TPP2: variants seen among roughly 807,000 people sequenced by gnomAD.
The protein encoded by TPP2 is tripeptidyl-peptidase 2.
A neutral mutation model predicts 155.9 loss-of-function variants in TPP2; 34 were observed. That is an observed-to-expected ratio of 0.22 (90% confidence interval 0.17 to 0.29). TPP2 has a LOEUF of 0.29. Ranked by LOEUF, TPP2 falls within the 10% of genes least tolerant of loss-of-function variation. The probability of loss-of-function intolerance (pLI) is 1.00; values close to 1 mark genes in which losing one functional copy is unlikely to be tolerated. For synonymous variants in TPP2, 510 were observed against 529.4 expected (o/e 0.96, Z 0.50); for missense variants, 1,028 against 1,522.3 (o/e 0.68, Z 5.40).
intron 2 of TPP2, among the ~76,000 whole-genome samples, chr13:102,611,699 C>T (rs1346130403): frequency 6.6e-6 from 1 of 152,134 alleles, no homozygotes; most frequent in East Asian, 1.9e-4. Flanking sequence ...CAGTGTATAA[C>T]AAATGTTTTC....
intron 2 of TPP2, among the ~76,000 whole-genome samples, chr13:102,606,972 A>G (rs1879881294): frequency 6.6e-6 from 1 of 152,158 alleles, no homozygotes; most frequent in South Asian, 2.1e-4. Flanking sequence ...GGTTATGAGT[A>G]TGTGTCCCCT....
At chr13:102,667,959 C>T (rs1021788165) in intron 27 of TPP2, 9 of 250,846 alleles carry the variant, frequency 3.6e-5, no homozygotes, top group Admixed American at 1.9e-4. Context: ...CCTGAGCCAG[C>T]GACGCTCACA....
intron 15 of TPP2, among the ~76,000 whole-genome samples, chr13:102,640,060 G>A (rs1882650277): frequency 6.6e-6 from 1 of 152,140 alleles, no homozygotes; most frequent in South Asian, 2.1e-4. Context: ...TAGGCAAAAA[G>A]TAGAATCATC....
At position 102,629,627 on chromosome 13, in the gene TPP2, G is replaced by T. The variant is rs1048583455; in HGVS notation, c.1144+18G>T. 1 of 1,548,368 alleles carries T rather than the reference G, an allele frequency of 6.5e-7. No homozygotes were observed. Among genetic ancestry groups the T allele is most frequent in the Non-Finnish European group, 8.6e-7 (1 of 1,159,010 alleles). On this transcript the variant is annotated intron_variant, in intron 9 of 29. Transcript: ENST00000376052. ...TGTGATAGGTTAGTTTCCTGTTTTA[G>T]AAATAGATTTGTTTAGAAACAAGCA...
intron 22 of TPP2, 34 bp from the exon 23 acceptor site, chr13:102,649,374 G>A: frequency 6.3e-7 from 1 of 1,580,898 alleles, no homozygotes; most frequent in Non-Finnish European, 8.6e-7. Context: ...TTTCTCTTTT[G>A]TTGCTTTTTT....
At chr13:102,652,384 CAAAA>C (rs1595192950) in intron 24 of TPP2, among the ~76,000 whole-genome samples, 1 of 117,746 alleles carries the variant, frequency 8.5e-6, no homozygotes, top group East Asian at 2.5e-4. Flanking sequence ...TGTCTCAAAA[CAAAA>C]CATACATACA....
chr13:102,654,809 G>T, intron 24 of TPP2: 1 of 383,322 alleles, frequency 2.6e-6, no homozygotes, highest in South Asian at 1.9e-5. Flanking sequence ...CTGTACAGAT[G>T]ACACTGATGC....
At chr13:102,609,707 T>A (rs946422284) in intron 2 of TPP2, among the ~76,000 whole-genome samples, 5 of 151,786 alleles carry the variant, frequency 3.3e-5, no homozygotes, top group African/African-American at 1.2e-4. Context: ...CCCATGCATT[T>A]TTAAACCATT....
At chr13:102,663,996 T>C (rs947615802) in intron 26 of TPP2, among the ~76,000 whole-genome samples, 1 of 152,224 alleles carries the variant, frequency 6.6e-6, no homozygotes, top group Admixed American at 6.5e-5. Flanking sequence ...ACGATTGTTT[T>C]CATGACCTTA....
Position 102,640,291 on chromosome 13 carries a change from T to G in TPP2, c.1935T>G (p.Tyr645Ter). 6.2e-7 allele frequency: 1 copy of G among 1,607,566 alleles called. No homozygotes were observed. Among genetic ancestry groups the G allele is most frequent in the Non-Finnish European group, 8.5e-7 (1 of 1,175,998 alleles). Residue 645 changes from tyrosine to a stop codon, truncating the protein, a stop_gained, in exon 16 of 30, where the codon TAT becomes TAG. Coordinates refer to ENST00000376052, the MANE Select transcript of TPP2 (RefSeq NM_001330588.2). LOFTEE classifies it high-confidence loss of function. ...IAAKVNESSH[Y>*]DLAFTDVHFK... ...TCAGAGTAAATGAATCATCACATTA[T>G]GATCTAGCCTTTACAGATGTACACT...
At chr13:102,628,638 A>G (rs1392197027) in intron 8 of TPP2, among the ~76,000 whole-genome samples, 1 of 151,822 alleles carries the variant, frequency 6.6e-6, no homozygotes, top group East Asian at 1.9e-4. Context: ...TTTTCTTCAT[A>G]GTAGTAGCTA....
At chr13:102,646,497 A>G (rs559184099) in intron 20 of TPP2, 107 bp downstream of exon 20, 7 of 703,394 alleles carry the variant, frequency 1.0e-5, no homozygotes, top group African/African-American at 7.4e-5. Context: ...TATATAAAAA[A>G]CAGAATCAAG....
In TPP2 at chr13:102,605,971, C is replaced by T. The variant is rs182137634; in HGVS notation, c.294+1050C>T. Reference sequence around the variant, plus strand: ...ACTCTTGACCTTGTGATCCGCCTGTCTCAGCCTCCCAAAGTGCTGGGATTA... The same window carrying T: ...ACTCTTGACCTTGTGATCCGCCTGTTTCAGCCTCCCAAAGTGCTGGGATTA... On this transcript the variant is annotated intron_variant, in intron 2 of 29. Transcript: ENST00000376052. Among the ~76,000 whole-genome samples the T allele has an allele frequency of 3.9e-5, 6 of 152,282 alleles. No individual in the cohort carries two copies. The East Asian group carries it at 1.2e-3, about 29-fold the overall frequency.
Position 102,610,640 on chromosome 13 carries a change from G to A in TPP2, c.295-3461G>A, listed in dbSNP as rs564574727. ...AGTTTAAGATCAACTGTTAAGTTAG[G>A]TGCTTTGAACACTTTAGTAGCCTCA... On this transcript the variant is annotated intron_variant, in intron 2 of 29. Transcript: ENST00000376052. 5.3e-5 allele frequency among the ~76,000 whole-genome samples: 8 copies of A among 152,204 alleles called. No individual in the cohort carries two copies. The South Asian group carries it at 1.0e-3, about 20-fold the overall frequency.
chr13:102,655,134 T>TGGAG (rs888116329), intron 24 of TPP2: 36 of 453,196 alleles, frequency 7.9e-5, no homozygotes, highest in Admixed American at 4.7e-5. Flanking sequence ...TGAGTCAGTG[T>TGGAG]GGAGATAGGA....
chr13:102,616,514 G>C lies in TPP2; in HGVS notation c.495+14G>C, dbSNP rs759299420. On this transcript the variant is annotated intron_variant, in intron 4 of 29. Transcript: ENST00000376052. ...GGCTCTTCTCAAGTTGGTGCTAGTCGATTTCATTTAAACATTACCCTAGAA... is the reference window on the plus strand; with the variant it reads ...GGCTCTTCTCAAGTTGGTGCTAGTCCATTTCATTTAAACATTACCCTAGAA... 7 of 1,597,962 alleles carry C rather than the reference G, an allele frequency of 4.4e-6. No homozygotes were observed. Among genetic ancestry groups the C allele is most frequent in the Non-Finnish European group, 6.0e-6 (7 of 1,169,974 alleles).
intron 10 of TPP2, chr13:102,631,387 G>C (rs148458427): frequency 1.3e-5 from 2 of 152,322 alleles, no homozygotes; most frequent in East Asian, 3.9e-4. Flanking sequence ...TTTGCTTTGC[G>C]CTGTCATTGT....
intron 6 of TPP2, among the ~76,000 whole-genome samples, chr13:102,625,456 G>T (rs1351328953): frequency 6.6e-6 from 1 of 152,046 alleles, no homozygotes; most frequent in Admixed American, 6.6e-5. Context: ...GAGCCACTGC[G>T]CCCGGCCTTT....
chr13:102,597,071 T>G lies in TPP2; in HGVS notation c.33T>G (p.Pro11=). 6 of 1,611,804 alleles carry G rather than the reference T, an allele frequency of 3.7e-6. No homozygotes were observed. The highest frequency in any genetic ancestry group is 5.1e-6 in the Non-Finnish European group (6 of 1,179,406). Residue 11 remains proline (P), a synonymous_variant, in exon 1 of 30, where the codon CCT becomes CCG. Transcript: ENST00000376052. The stretch of plus-strand genomic sequence containing the variant: ...CCGCTGCGACTGAGGAGCCCTTCCC[T>G]TTTCACGGTCTCCTGCCGAAGAAGG... MATAATEEPF[P]FHGLLPKKET...
Sources: allele counts gnomAD v4.1 joint callset (sites outside exome capture counted in the v4.1 genomes callset), GRCh38; gene constraint gnomAD v4.1.1; transcripts MANE v1.5; gene names NCBI Gene and HGNC (gene_info 2026-07-23, HGNC 2026-07-21).